The following COBL variants were observed in gnomAD, a reference collection of about 807,000 sequenced individuals.
COBL encodes the protein cordon-bleu WH2 repeat protein.
In COBL, 51 loss-of-function variants were observed where a neutral mutation model predicts 98.8. The ratio of observed to expected loss-of-function variants is 0.52; its 90% CI spans 0.41 to 0.65. The LOEUF is 0.65. Ranked by LOEUF, COBL falls within the 30% of genes least tolerant of loss-of-function variation. The pLI, the probability that COBL is intolerant of heterozygous loss-of-function variation, is 0.00. For missense variants in COBL, 1,617 were observed against 1,617.5 expected, an observed-to-expected ratio of 1.00 and a Z score of 0.01; for synonymous variants, 634 against 651.7, an observed-to-expected ratio of 0.97 and a Z score of 0.41.
intron 5 of COBL, among the ~76,000 whole-genome samples, chr7:51,139,987 A>T (rs541866569): frequency 6.6e-6 from 1 of 152,290 alleles, no homozygotes; most frequent in South Asian, 2.1e-4. Flanking sequence ...CAAGCTTGTC[A>T]ATATATACAT....
chr7:51,029,969 T>C (rs1313922096), intron 9 of COBL, among the ~76,000 whole-genome samples: 3 of 152,278 alleles, frequency 2.0e-5, no homozygotes, highest in African/African-American at 7.2e-5. Context: ...CACAACAAAA[T>C]CCAGAGGACC....
At chr7:51,085,602 T>C (rs1413425498) in intron 6 of COBL, among the ~76,000 whole-genome samples, 1 of 152,172 alleles carries the variant, frequency 6.6e-6, no homozygotes, top group Non-Finnish European at 1.5e-5. Context: ...TCCAGGCAAG[T>C]CTGGAGAGTT....
chr7:51,203,874 T>G lies in COBL; in HGVS notation c.246-10285A>C, dbSNP rs557232806. ...AAGAGGGCCTATTTCCAAACAAATT[T>G]TATGAGGCTAGAATCATGCTGACAC... On this transcript the variant is annotated intron_variant, in intron 2 of 12. Transcript: ENST00000265136. 6.6e-5 allele frequency among the ~76,000 whole-genome samples: 10 copies of G among 152,256 alleles called. No individual in the cohort carries two copies. In the East Asian group the frequency reaches 1.2e-3, roughly 18 times the overall value.
At chr7:51,142,530 C>T (rs1004915585) in intron 5 of COBL, among the ~76,000 whole-genome samples, 12 of 151,668 alleles carry the variant, frequency 7.9e-5, no homozygotes, top group Admixed American at 2.6e-4. Flanking sequence ...ATTACAGGAG[C>T]GTGCCACCAC....
At chr7:51,066,537 G>A (rs1167358687) in intron 7 of COBL, among the ~76,000 whole-genome samples, 1 of 152,168 alleles carries the variant, frequency 6.6e-6, no homozygotes, top group African/African-American at 2.4e-5. Context: ...TTGCAGACAA[G>A]TTTCTTATCA....
intron 1 of COBL, among the ~76,000 whole-genome samples, chr7:51,289,141 T>C (rs564418251): frequency 2.9e-4 from 44 of 152,332 alleles, no homozygotes; most frequent in African/African-American, 1.0e-3. Flanking sequence ...AGCAACTGAT[T>C]GTTTCATAAC....
chr7:51,201,720 A>G (rs1393572935), intron 2 of COBL, among the ~76,000 whole-genome samples: 1 of 152,224 alleles, frequency 6.6e-6, no homozygotes, highest in African/African-American at 2.4e-5. Flanking sequence ...GTGTCAAAAG[A>G]GGTCTGAAAA....
intron 2 of COBL, among the ~76,000 whole-genome samples, chr7:51,217,790 C>T (rs1043269022): frequency 9.9e-5 from 15 of 152,166 alleles, no homozygotes; most frequent in African/African-American, 2.2e-4. Context: ...TAATTTCTTA[C>T]GTTACAAAGT....
Position 51,253,601 on chromosome 7 carries a change from G to A in COBL, c.42-33657C>T, listed in dbSNP as rs116250085. Among the ~76,000 whole-genome samples, 1,143 of 152,322 alleles carry A rather than the reference G, an allele frequency of 7.5e-3. 15 individuals are homozygous for A. The highest frequency in any genetic ancestry group is 0.027 in the African/African-American group (1,110 of 41,568). On this transcript the variant is annotated intron_variant, in intron 1 of 12. Coordinates refer to ENST00000265136, the MANE Select transcript of COBL (RefSeq NM_015198.5). ...AAAGGAGAGTGAGAGAATTCACACTGCTTGTAGCCCTTCTTCCACAGTTAG... is the reference window on the plus strand; with the variant it reads ...AAAGGAGAGTGAGAGAATTCACACTACTTGTAGCCCTTCTTCCACAGTTAG...
At chr7:51,290,935 G>A (rs1563133051) in intron 1 of COBL, among the ~76,000 whole-genome samples, 1 of 152,090 alleles carries the variant, frequency 6.6e-6, no homozygotes, top group Non-Finnish European at 1.5e-5. Flanking sequence ...CATGGAATCT[G>A]CCTCTGCCCC....
chr7:51,186,320 T>G (rs10254323), intron 4 of COBL, among the ~76,000 whole-genome samples: 1 of 152,112 alleles, frequency 6.6e-6, no homozygotes, highest in Non-Finnish European at 1.5e-5. Context: ...CAGGAGCATA[T>G]TGAATGCATA....
At chr7:51,246,179 T>C (rs555906131) in intron 1 of COBL, among the ~76,000 whole-genome samples, 1 of 152,316 alleles carries the variant, frequency 6.6e-6, no homozygotes, top group South Asian at 2.1e-4. Flanking sequence ...AAAGCAAGTA[T>C]GTAAGTTTCC....
In COBL at chr7:51,124,617, CTA is replaced by C. The variant is rs1371676450; in HGVS notation, c.957+11539_957+11540del. Among the ~76,000 whole-genome samples the C allele has an allele frequency of 7.2e-5, 11 of 152,250 alleles. No individual in the cohort carries two copies. The East Asian group carries it at 2.1e-3, about 29-fold the overall frequency. On this transcript the variant is annotated intron_variant, in intron 6 of 12. Coordinates refer to ENST00000265136, the MANE Select transcript of COBL (RefSeq NM_015198.5). ...CGGCTGCTGCCACTGTCCTGGACACCTATGTCGTAATCTACCCAAAAGACAAG... is the reference window on the plus strand; with the variant it reads ...CGGCTGCTGCCACTGTCCTGGACACCTGTCGTAATCTACCCAAAAGACAAG...
intron 1 of COBL, among the ~76,000 whole-genome samples, chr7:51,277,415 G>A (rs1466941339): frequency 6.6e-6 from 1 of 152,186 alleles, no homozygotes; most frequent in Non-Finnish European, 1.5e-5. Flanking sequence ...GTGGCATCTA[G>A]CTGAAGACGA....
At chr7:51,262,475 C>T (rs574610622) in intron 1 of COBL, among the ~76,000 whole-genome samples, 1 of 152,330 alleles carries the variant, frequency 6.6e-6, no homozygotes, top group South Asian at 2.1e-4. Flanking sequence ...TGGGAAAGGA[C>T]TCCTGCGACT....
At chr7:51,108,853 A>G (rs183733950) in intron 6 of COBL, among the ~76,000 whole-genome samples, 100 of 151,992 alleles carry the variant, frequency 6.6e-4, no homozygotes, top group African/African-American at 2.4e-3. Context: ...CCTCCTTATC[A>G]AAGACACCTG....
intron 8 of COBL, 77 bp downstream of exon 8, chr7:51,043,306 C>G: frequency 7.0e-7 from 1 of 1,420,382 alleles, no homozygotes; most frequent in Non-Finnish European, 9.7e-7. Flanking sequence ...CGTGTTGGAT[C>G]CCATGACAAA....
intron 7 of COBL, chr7:51,083,130 T>C: frequency 7.1e-7 from 1 of 1,402,814 alleles, no homozygotes; most frequent in South Asian, 1.3e-5. Flanking sequence ...ACCACGTCTG[T>C]GTCGGGAGGA....
chr7:51,142,542 C>T (rs1799870354), intron 5 of COBL, among the ~76,000 whole-genome samples: 1 of 151,974 alleles, frequency 6.6e-6, no homozygotes, highest in Non-Finnish European at 1.5e-5. Flanking sequence ...TGCCACCACG[C>T]CCGGCTAATT....
Sources: gnomAD v4.1 joint callset for allele counts (sites outside exome capture counted in the v4.1 genomes callset) on GRCh38, gnomAD v4.1.1 for gene constraint, MANE v1.5 for transcripts, NCBI Gene and HGNC (gene_info 2026-07-23, HGNC 2026-07-21) for gene names.